Variants in GNL1 observed in about 807,000 individuals in gnomAD.
The protein encoded by GNL1 is guanine nucleotide-binding protein-like 1.
A neutral mutation model predicts 75.2 loss-of-function variants in GNL1; 21 were observed. The observed-to-expected ratio is 0.28, with a 90% CI of 0.20 to 0.40. The LOEUF (loss-of-function observed/expected upper bound fraction) is 0.40, where lower values mean the gene tolerates loss of function less well. GNL1 is among the 10% of genes least tolerant of loss of function. The pLI, the probability that GNL1 is intolerant of heterozygous loss-of-function variation, is 1.00. For missense variants in GNL1, 579 were observed against 775.0 expected, an observed-to-expected ratio of 0.75 and a Z score of 3.00; for synonymous variants, 287 against 303.4, an observed-to-expected ratio of 0.95 and a Z score of 0.56.
At position 30,552,407 on chromosome 6, in the gene GNL1, C is replaced by G; in HGVS notation, c.1099+60G>C. The G allele has an allele frequency of 7.1e-7, 1 of 1,418,220 alleles. No homozygotes were observed. The highest frequency in any genetic ancestry group is 9.8e-7 in the Non-Finnish European group (1 of 1,018,998). 87.9% of individuals were successfully genotyped at this position (1,418,220 alleles called of 1,614,324 possible). ...AGACCTGATCGCCCTCTCTCTTCTC[C>G]GAATATGAAAACTCTGTACCTCCTT... is the stretch of plus-strand genomic sequence containing the variant. On this transcript the variant is annotated intron_variant, in intron 8 of 11. Coordinates refer to ENST00000376621, the MANE Select transcript of GNL1 (RefSeq NM_005275.5). The surrounding 1 kb of genome is among the most constrained non-coding windows in gnomAD (Gnocchi z 4.5).
rs903928080 is a variant in GNL1 at position 30,542,771 on chromosome 6, C to T, written c.*3301G>A. 7 of 152,230 alleles carry T rather than the reference C, an allele frequency of 4.6e-5. No individual in the cohort carries two copies. Among genetic ancestry groups the T allele is most frequent in the African/African-American group, 1.7e-4 (7 of 41,440 alleles). The allele number at this position is 152,230 out of a possible 1,614,324, so 9.4% of individuals were successfully genotyped here. On this transcript the variant is annotated 3_prime_UTR_variant, in exon 12 of 12. Coordinates refer to ENST00000376621, the MANE Select transcript of GNL1 (RefSeq NM_005275.5). This position sits in a 1 kb window ranked among gnomAD's most constrained non-coding sequence, Gnocchi z 4.5. ...GCTGTAAAAGCCTCTGATTTCTCCC[C>T]TTTCCAAACCAGTCTCCACACTGCA...
In GNL1 at chr6:30,545,778, T is replaced by C; in HGVS notation, c.*294A>G. On this transcript the variant is annotated 3_prime_UTR_variant, in exon 12 of 12. Coordinates refer to ENST00000376621, the MANE Select transcript of GNL1 (RefSeq NM_005275.5). ...CTCCCCATGTAGATAACGGGATTCCTAAGGTGCAGAGTGGGAGAATGGGTA... is the reference window on the plus strand; with the variant it reads ...CTCCCCATGTAGATAACGGGATTCCCAAGGTGCAGAGTGGGAGAATGGGTA... 1 of 415,926 alleles carries C rather than the reference T, an allele frequency of 2.4e-6. No homozygotes were observed. The highest frequency in any genetic ancestry group is 4.3e-6 in the Non-Finnish European group (1 of 234,892). The allele number at this position is 415,926 out of a possible 1,614,324, so 25.8% of individuals were successfully genotyped here.
At position 30,543,314 on chromosome 6, in the gene GNL1, G is replaced by A. The variant is rs1428387358; in HGVS notation, c.*2758C>T. On this transcript the variant is annotated 3_prime_UTR_variant, in exon 12 of 12. Coordinates refer to ENST00000376621, the MANE Select transcript of GNL1 (RefSeq NM_005275.5). ...ATATGGAGCCACCACTACCCCACAG[G>A]ATCCTGTACCACCCTTCTCCCAGAA... The A allele has an allele frequency of 6.6e-6, 1 of 152,126 alleles. No homozygotes were observed. Among genetic ancestry groups the A allele is most frequent in the East Asian group, 1.9e-4 (1 of 5,196 alleles). 9.4% of individuals were successfully genotyped at this position (152,126 alleles called of 1,614,324 possible). A position where few individuals can be genotyped will look rare whatever the true frequency, so the allele number is the denominator to read the frequency against.
chr6:30,555,577 G>C lies in GNL1; in HGVS notation c.217C>G (p.Pro73Ala), dbSNP rs138294758. The change falls in exon 2 of 12, where the codon CCA becomes GCA. Residue 73 changes from proline to alanine, a missense_variant. Physicochemically the swap from Pro to Ala is conservative, Grantham distance 27. Transcript: ENST00000376621. This position sits in a 1 kb window ranked among gnomAD's most constrained non-coding sequence, Gnocchi z 4.3. Reference sequence around the variant, plus strand: ...CACCGATTTGGGTCGTAGCCTCGTGGACCCAGCCCCTGAGAAGGCTGCTGG... The same window carrying C: ...CACCGATTTGGGTCGTAGCCTCGTGCACCCAGCCCCTGAGAAGGCTGCTGG... ...LNQQPSQGLG[P>A]RGYDPNRYRL... is the part of the protein sequence containing the mutation. 5.0e-6 allele frequency: 8 copies of C among 1,613,672 alleles called. No individual in the cohort carries two copies. The African/African-American group carries it at 9.3e-5, about 19-fold the overall frequency.
In GNL1 at chr6:30,544,261, C is replaced by T. The variant is rs976429777; in HGVS notation, c.*1811G>A. The T allele has an allele frequency of 1.3e-5, 2 of 152,130 alleles. No homozygotes were observed. Among genetic ancestry groups the T allele is most frequent in the Non-Finnish European group, 2.9e-5 (2 of 68,046 alleles). 9.4% of individuals were successfully genotyped at this position (152,130 alleles called of 1,614,324 possible). A position where few individuals can be genotyped will look rare whatever the true frequency, so the allele number is the denominator to read the frequency against. ...GCTCCCAGTCAATTCTTCATCCCCA[C>T]CCCTAGACTCTCCCAAATACCCCTG... On this transcript the variant is annotated 3_prime_UTR_variant, in exon 12 of 12. Coordinates refer to ENST00000376621, the MANE Select transcript of GNL1 (RefSeq NM_005275.5).
rs1799848619 is a variant in GNL1, at chr6:30,552,479, TG to T, written c.1086del (p.Ile363SerfsTer14). 6.2e-7 allele frequency: 1 copy of T among 1,612,850 alleles called. No homozygotes were observed. Among genetic ancestry groups the T allele is most frequent in the Admixed American group, 1.7e-5 (1 of 59,892 alleles). ...TQERYKDGVV[T>X]IGCVGFPNVG... ...GCCACTTCCTTACCCACACAGCCGATGGTCACCACCCCATCCTTGTAGCGCT... is the reference window on the plus strand; with the variant it reads ...GCCACTTCCTTACCCACACAGCCGATGTCACCACCCCATCCTTGTAGCGCT... On this transcript the variant is annotated frameshift_variant, in exon 8 of 12. Coordinates refer to ENST00000376621, the MANE Select transcript of GNL1 (RefSeq NM_005275.5). LOFTEE classifies it high-confidence loss of function. This position sits in a 1 kb window ranked among gnomAD's most constrained non-coding sequence, Gnocchi z 4.5.
In GNL1 at chr6:30,552,229, A is replaced by C. The variant is rs555068051; in HGVS notation, c.1099+238T>G. 32 of 484,036 alleles carry C rather than the reference A, an allele frequency of 6.6e-5. No homozygotes were observed. In the East Asian group the frequency reaches 9.1e-4, roughly 14 times the overall value. 30.0% of individuals were successfully genotyped at this position (484,036 alleles called of 1,614,324 possible). On this transcript the variant is annotated intron_variant, in intron 8 of 11. Transcript: ENST00000376621. This position sits in a 1 kb window ranked among gnomAD's most constrained non-coding sequence, Gnocchi z 4.5. ...TTTAAAATCAAAGTAACTAAGACTC[A>C]GAGTAGCAAAATCACTTACTCAAGA...
In GNL1 at chr6:30,556,253, A is replaced by C. The variant is rs1162500509; in HGVS notation, c.-50T>G. 1 of 1,588,292 alleles carries C rather than the reference A, an allele frequency of 6.3e-7. No individual in the cohort carries two copies. The highest frequency in any genetic ancestry group is 8.5e-7 in the Non-Finnish European group (1 of 1,174,304). ...CCCTCCGCCGAGCTCCCGCCGCCTC[A>C]ACTGACTGCCCCCCGGGGCAGCCCC... On this transcript the variant is annotated 5_prime_UTR_variant, in exon 1 of 12. Coordinates refer to ENST00000376621, the MANE Select transcript of GNL1 (RefSeq NM_005275.5). The surrounding 1 kb of genome is among the most constrained non-coding windows in gnomAD (Gnocchi z 5.7).
In GNL1 at chr6:30,556,385, GAT is replaced by G. The variant is rs1800197797; in HGVS notation, c.-184_-183del. ...GCGGCGATGGAAGGCGGACGGGGGA[GAT>G]ATAGTCACTTCCCTCCAGGAGCGAG... On this transcript the variant is annotated 5_prime_UTR_variant, in exon 1 of 12. Coordinates refer to ENST00000376621, the MANE Select transcript of GNL1 (RefSeq NM_005275.5). This position sits in a 1 kb window ranked among gnomAD's most constrained non-coding sequence, Gnocchi z 5.7. 27 of 652,020 alleles carry G rather than the reference GAT, an allele frequency of 4.1e-5. No homozygotes were observed. The South Asian group carries it at 4.8e-4, about 11-fold the overall frequency. 40.4% of individuals were successfully genotyped at this position (652,020 alleles called of 1,614,324 possible). A position where few individuals can be genotyped will look rare whatever the true frequency, so the allele number is the denominator to read the frequency against.
At position 30,546,513 on chromosome 6, in the gene GNL1, A is replaced by G. The variant is rs186209886; in HGVS notation, c.1582+183T>C. 1.2e-4 allele frequency: 81 copies of G among 678,958 alleles called. No homozygotes were observed. Among genetic ancestry groups the G allele is most frequent in the Admixed American group, 4.9e-4 (17 of 34,538 alleles). The allele number at this position is 678,958 out of a possible 1,614,324, so 42.1% of individuals were successfully genotyped here. ...GTGCACATCAACTTCAATCTTTACA[A>G]TCACTATGCTAAGGGTCAATTATTA... On this transcript the variant is annotated intron_variant, in intron 11 of 11. Transcript: ENST00000376621. The surrounding 1 kb of genome is among the most constrained non-coding windows in gnomAD (Gnocchi z 5.1).
chr6:30,552,576 C>G lies in GNL1; in HGVS notation c.990G>C (p.Glu330Asp). 6.2e-7 allele frequency: 1 copy of G among 1,614,154 alleles called. No homozygotes were observed. Among genetic ancestry groups the G allele is most frequent in the Non-Finnish European group, 8.5e-7 (1 of 1,179,996 alleles). The change falls in exon 8 of 12, where the codon GAG becomes GAC. Residue 330 changes from glutamate (E) to aspartate (D), a missense_variant. Physicochemically the swap from Glu to Asp is conservative, Grantham distance 45 (BLOSUM62 2). Coordinates refer to ENST00000376621, the MANE Select transcript of GNL1 (RefSeq NM_005275.5). The surrounding 1 kb of genome is among the most constrained non-coding windows in gnomAD (Gnocchi z 4.5). ...CCACCAGGACTGCTGGGCCATCCTC[C>G]TCTTCCTCCTCCTCCCCAGAGCCAT... ...WGNGSGEEEE[E>D]EDGPAVLVEQ...
chr6:30,547,555 G>T lies in GNL1; in HGVS notation c.1100-25C>A, dbSNP rs190982569. 1.2e-6 allele frequency: 2 copies of T among 1,600,506 alleles called. No individual in the cohort carries two copies. The highest frequency in any genetic ancestry group is 1.7e-6 in the Non-Finnish European group (2 of 1,168,284). ...CCTGAGGAAGGCAAGGAAAATTAAC[G>T]TTTAACAGGTTTCTACTCTGTGATG... On this transcript the variant is annotated intron_variant, in intron 8 of 11. Transcript: ENST00000376621. The surrounding 1 kb of genome is among the most constrained non-coding windows in gnomAD (Gnocchi z 5.5).
rs751852129 is a variant in GNL1 at position 30,546,286 on chromosome 6, G to A, written c.1610C>T (p.Thr537Met). The change falls in exon 12 of 12, where the codon ACG becomes ATG. Residue 537 changes from threonine to methionine, a missense_variant. Transcript: ENST00000376621. The surrounding 1 kb of genome is among the most constrained non-coding windows in gnomAD (Gnocchi z 5.1). ...KGTWESHPET[T>M]ELVVLQGRVG... is the part of the protein sequence containing the mutation. ...CCTGCCCTGCAAAACCACCAGCTCC[G>A]TGGTCTCTGGATGGGACTCCCAGGT... 56 of 1,594,490 alleles carry A rather than the reference G, an allele frequency of 3.5e-5. No homozygotes were observed. Among genetic ancestry groups the A allele is most frequent in the Middle Eastern group, 1.7e-4 (1 of 6,002 alleles).
Position 30,546,586 on chromosome 6 carries a change from G to T in GNL1, c.1582+110C>A. On this transcript the variant is annotated intron_variant, in intron 11 of 11. Coordinates refer to ENST00000376621, the MANE Select transcript of GNL1 (RefSeq NM_005275.5). This position sits in a 1 kb window ranked among gnomAD's most constrained non-coding sequence, Gnocchi z 5.1. ...AATATCACAGATGTTAAGTAACAGA[G>T]CTAGCCAACAGGTACAGAATCCAGG... is the stretch of plus-strand genomic sequence containing the variant. The T allele has an allele frequency of 1.1e-6, 1 of 886,386 alleles. No individual in the cohort carries two copies. The highest frequency in any genetic ancestry group is 1.8e-6 in the Non-Finnish European group (1 of 561,596). The allele number at this position is 886,386 out of a possible 1,614,324, so 54.9% of individuals were successfully genotyped here.
In GNL1 at chr6:30,556,329, A is replaced by C; in HGVS notation, c.-126T>G. The C allele has an allele frequency of 9.2e-7, 1 of 1,087,908 alleles. No homozygotes were observed. The highest frequency in any genetic ancestry group is 1.3e-6 in the Non-Finnish European group (1 of 744,392). 67.4% of individuals were successfully genotyped at this position (1,087,908 alleles called of 1,614,324 possible). The stretch of plus-strand genomic sequence containing the variant: ...GGAGGCGGGGCTAGCAGGTGACGTC[A>C]GCGGGCGGGCCCGACAGAATTACCG... On this transcript the variant is annotated 5_prime_UTR_variant, in exon 1 of 12. Transcript: ENST00000376621. The surrounding 1 kb of genome is among the most constrained non-coding windows in gnomAD (Gnocchi z 5.7).
chr6:30,553,167 CTCT>C lies in GNL1; in HGVS notation c.818_820del (p.Lys273del). On this transcript the variant is annotated inframe_deletion, in exon 7 of 12. Transcript: ENST00000376621. The stretch of plus-strand genomic sequence containing the variant: ...AGTCCATCCTCTCCCCCGCCTCCGA[CTCT>C]TCTTCAAGACTGAGATCAGAGGGCA... The C allele has an allele frequency of 6.2e-7, 1 of 1,612,944 alleles. No homozygotes were observed. Among genetic ancestry groups the C allele is most frequent in the Admixed American group, 1.7e-5 (1 of 59,998 alleles).
Position 30,546,444 on chromosome 6 carries a change from C to A in GNL1, c.1583-131G>T. The A allele has an allele frequency of 1.4e-6, 1 of 702,762 alleles. No homozygotes were observed. Among genetic ancestry groups the A allele is most frequent in the Admixed American group, 2.8e-5 (1 of 36,072 alleles). 43.5% of individuals were successfully genotyped at this position (702,762 alleles called of 1,614,324 possible). A position where few individuals can be genotyped will look rare whatever the true frequency, so the allele number is the denominator to read the frequency against. ...AGCTGCTGGCATTCATTCATTCATC[C>A]ATTCATTCAACTTCCTATGTGCAGA... On this transcript the variant is annotated intron_variant, in intron 11 of 11. Coordinates refer to ENST00000376621, the MANE Select transcript of GNL1 (RefSeq NM_005275.5). The surrounding 1 kb of genome is among the most constrained non-coding windows in gnomAD (Gnocchi z 5.1).
At position 30,555,400 on chromosome 6, in the gene GNL1, G is replaced by A. The variant is rs113150188; in HGVS notation, c.239+155C>T. Among the ~76,000 whole-genome samples the A allele has an allele frequency of 6.6e-3, 1,003 of 152,286 alleles. 12 individuals carry two copies. Among genetic ancestry groups the A allele is most frequent in the African/African-American group, 0.022 (924 of 41,572 alleles). Reference sequence around the variant, plus strand: ...CAACTCTCTCCAGCCCCTCTGGAAAGGAAGACTGTGGCCCGCTGTGGGGAG... The same window carrying A: ...CAACTCTCTCCAGCCCCTCTGGAAAAGAAGACTGTGGCCCGCTGTGGGGAG... On this transcript the variant is annotated intron_variant, in intron 2 of 11. Transcript: ENST00000376621. The surrounding 1 kb of genome is among the most constrained non-coding windows in gnomAD (Gnocchi z 4.3).
chr6:30,556,483 G>C lies in GNL1; in HGVS notation c.-280C>G. On this transcript the variant is annotated 5_prime_UTR_variant, in exon 1 of 12. Coordinates refer to ENST00000376621, the MANE Select transcript of GNL1 (RefSeq NM_005275.5). The surrounding 1 kb of genome is among the most constrained non-coding windows in gnomAD (Gnocchi z 5.7). ...GGCACCGAGAGGGCGCCCCGGCGGC[G>C]AGGAAGGAGGCGCGCGTGGGAGGAC... is the stretch of plus-strand genomic sequence containing the variant. The C allele has an allele frequency of 1.8e-6, 1 of 549,670 alleles. No homozygotes were observed. The highest frequency in any genetic ancestry group is 3.3e-6 in the Non-Finnish European group (1 of 307,394). The allele number at this position is 549,670 out of a possible 1,614,324, so 34.0% of individuals were successfully genotyped here.
Sources: gnomAD v4.1 joint callset for allele counts (sites outside exome capture counted in the v4.1 genomes callset) on GRCh38, gnomAD v4.1.1 for gene constraint, Gnocchi (gnomAD v3.1) non-coding constraint, MANE v1.5 for transcripts, NCBI Gene and HGNC (gene_info 2026-07-23, HGNC 2026-07-21) for gene names.